The following TTC6 variants were observed in gnomAD, a reference collection of about 807,000 sequenced individuals.
TTC6 encodes tetratricopeptide repeat domain 6.
TTC6 carries 172 observed loss-of-function variants against 210.4 expected under a neutral mutation model. The ratio of observed to expected loss-of-function variants is 0.82; its 90% CI spans 0.72 to 0.93. The LOEUF is 0.93. Ranked by LOEUF, TTC6 falls within the 40% of genes least tolerant of loss-of-function variation. The probability of loss-of-function intolerance (pLI) is 0.00; values close to 1 mark genes in which losing one functional copy is unlikely to be tolerated. For synonymous variants in TTC6, 804 were observed against 819.6 expected (o/e 0.98, Z 0.32); for missense variants, 2,414 against 2,318.1 (o/e 1.04, Z -0.85).
chr14:37,639,034 A>G (rs1369901213), intron 1 of TTC6, among the ~76,000 whole-genome samples: 3 of 152,218 alleles, frequency 2.0e-5, no homozygotes, highest in African/African-American at 7.2e-5. Flanking sequence ...TTGTAAAAAT[A>G]AGAACATACT....
chr14:37,786,257 G>A (rs1399900221), intron 14 of TTC6, among the ~76,000 whole-genome samples: 1 of 152,232 alleles, frequency 6.6e-6, no homozygotes, highest in Non-Finnish European at 1.5e-5. Flanking sequence ...GCCTCCTTGA[G>A]CTGTGGTGGG....
chr14:37,622,529 C>T, exon 1 of TTC6: 2 of 1,535,110 alleles, frequency 1.3e-6, no homozygotes, highest in Non-Finnish European at 1.7e-6. Context: ...TGCCTCCGCC[C>T]GAGCCACCCG....
At chr14:37,737,571 C>A in intron 8 of TTC6, 89 bp from the exon 11 acceptor site, 1 of 635,178 alleles carries the variant, frequency 1.6e-6, no homozygotes, top group Non-Finnish European at 2.5e-6. Context: ...ATTAATTTAC[C>A]TAAACAGTTA....
intron 5 of TTC6, among the ~76,000 whole-genome samples, chr14:37,711,066 T>G (rs1452099123): frequency 6.6e-6 from 1 of 152,150 alleles, no homozygotes; most frequent in East Asian, 1.9e-4. Context: ...CTTACATTCC[T>G]AACAAGTTGT....
chr14:37,790,672 T>G (rs1366811276), intron 15 of TTC6, 45 bp from the exon 18 acceptor site: 2 of 1,470,622 alleles, frequency 1.4e-6, no homozygotes, highest in Non-Finnish European at 1.8e-6. Context: ...TTACCTATGG[T>G]TATTTTAGAA....
At chr14:37,796,654 T>C in intron 19 of TTC6, 133 bp from the exon 22 acceptor site, 1 of 845,914 alleles carries the variant, frequency 1.2e-6, no homozygotes, top group South Asian at 2.2e-5. Flanking sequence ...TACTATGATT[T>C]GTTAATTTTA....
chr14:37,695,841 A>C (rs1027103489), intron 3 of TTC6, among the ~76,000 whole-genome samples: 1 of 152,164 alleles, frequency 6.6e-6, no homozygotes, highest in African/African-American at 2.4e-5. Flanking sequence ...ATGTACCCAC[A>C]AAAATTAAGA....
chr14:37,601,966 GTTTAAATAATA>G (rs2095616379), intron 1 of TTC6, among the ~76,000 whole-genome samples: 1 of 152,232 alleles, frequency 6.6e-6, no homozygotes, highest in South Asian at 2.1e-4. Flanking sequence ...AAACATCGGT[GTTTAAATAATA>G]TGTTTAAATT....
intron 1 of TTC6, among the ~76,000 whole-genome samples, chr14:37,651,415 A>T (rs2095711805): frequency 4.8e-5 from 1 of 20,834 alleles, no homozygotes; most frequent in South Asian, 2.4e-3. Context: ...ATATATATAT[A>T]TATATATATA....
rs749481764 is a variant in TTC6 at position 37,749,175 on chromosome 14, C to G, written c.2600C>G (p.Pro867Arg). 5 of 1,534,924 alleles carry G rather than the reference C, an allele frequency of 3.3e-6. No homozygotes were observed. In the South Asian group the frequency reaches 6.0e-5, roughly 18 times the overall value. Residue 867 changes from proline to arginine, a missense_variant, in exon 11 of 31, where the codon CCT becomes CGT. By Grantham distance (103) the Pro-to-Arg change is moderately radical (BLOSUM62 -2). Transcript: ENST00000553443. ...GAGAAAGATGATAAAATATCAGTTC[C>G]TGAAGACCCACCTGAAAGAGTGAAA...
At chr14:37,692,238 A>G (rs1186815323) in intron 3 of TTC6, among the ~76,000 whole-genome samples, 3 of 149,620 alleles carry the variant, frequency 2.0e-5, no homozygotes, top group Non-Finnish European at 3.0e-5. Flanking sequence ...AAAAAGAAAA[A>G]AAGAAAAAGA....
At chr14:37,606,545 T>C (rs985999145) in intron 1 of TTC6, 118 bp from the exon 2 acceptor site, 3 of 161,488 alleles carry the variant, frequency 1.9e-5, no homozygotes, top group Non-Finnish European at 2.6e-5. Flanking sequence ...CACCTCCTTT[T>C]CCCCCGTTGC....
At chr14:37,757,258 A>C (rs1170654252) in intron 14 of TTC6, among the ~76,000 whole-genome samples, 1 of 151,050 alleles carries the variant, frequency 6.6e-6, no homozygotes. Flanking sequence ...TAATTAATTA[A>C]TTAATTAATT....
chr14:37,739,136 C>A, exon 10 of TTC6: 3 of 1,506,072 alleles, frequency 2.0e-6, no homozygotes, highest in East Asian at 2.5e-5. Flanking sequence ...GTTATCCAAG[C>A]CTCCAAAATC....
chr14:37,791,379 C>T (rs1021796209), intron 16 of TTC6, among the ~76,000 whole-genome samples: 3 of 152,088 alleles, frequency 2.0e-5, no homozygotes, highest in African/African-American at 7.2e-5. Flanking sequence ...GAAAGTCAAA[C>T]TGTAAATCAC....
chr14:37,700,320 A>G (rs1595122979), intron 4 of TTC6, among the ~76,000 whole-genome samples: 1 of 152,248 alleles, frequency 6.6e-6, no homozygotes, highest in South Asian at 2.1e-4. Context: ...GGATAATTAT[A>G]CCTCCAATAC....
At chr14:37,779,069 G>T (rs1251131531) in intron 14 of TTC6, among the ~76,000 whole-genome samples, 1 of 152,138 alleles carries the variant, frequency 6.6e-6, no homozygotes, top group Admixed American at 6.5e-5. Context: ...GTCCATGGGG[G>T]TCATGAGGTC....
Position 37,793,573 on chromosome 14 carries a change from A to T in TTC6, c.3708+1159A>T, listed in dbSNP as rs147326603. 1.7e-3 allele frequency among the ~76,000 whole-genome samples: 254 copies of T among 152,272 alleles called. 4 individuals are homozygous for T. In the East Asian group the frequency reaches 0.043, roughly 26 times the overall value. ...GCAGGTTCAATGTTGCCACTAGGTC[A>T]TGTTAGTTCTTGACTCTGTCAGGGA... is the stretch of plus-strand genomic sequence containing the variant. On this transcript the variant is annotated intron_variant, in intron 17 of 30. Coordinates refer to ENST00000553443, the Ensembl canonical transcript of TTC6.
intron 20 of TTC6, among the ~76,000 whole-genome samples, 156 bp from the exon 23 acceptor site, chr14:37,804,524 G>T (rs1008091550): frequency 3.9e-5 from 6 of 152,182 alleles, no homozygotes; most frequent in Non-Finnish European, 5.9e-5. Context: ...GTAGTGTACT[G>T]ACAAGACCTG....
Sources: gnomAD v4.1 joint callset for allele counts (sites outside exome capture counted in the v4.1 genomes callset) on GRCh38, gnomAD v4.1.1 for gene constraint, MANE v1.5 for transcripts, NCBI Gene and HGNC (gene_info 2026-07-23, HGNC 2026-07-21) for gene names.